STARD13: variants seen among roughly 807,000 people sequenced by gnomAD.
STARD13 encodes stAR-related lipid transfer protein 13.
In STARD13, 62 loss-of-function variants were observed where a neutral mutation model predicts 106.4. The observed-to-expected ratio is 0.58, with a 90% CI of 0.48 to 0.72. STARD13 has a LOEUF of 0.72. STARD13 is among the 30% of genes least tolerant of loss of function. The pLI is 0.00. For synonymous variants in STARD13, 565 were observed against 553.0 expected (o/e 1.02, Z -0.31); for missense variants, 1,387 against 1,424.0 (o/e 0.97, Z 0.42).
chr13:33,592,131 C>A, the STARD13 span, among the ~76,000 whole-genome samples: 1 of 152,110 alleles, frequency 6.6e-6, no homozygotes, highest in African/African-American at 2.4e-5. Context: ...AGAATTAGTT[C>A]ATGTCATTTT....
intron 1 of STARD13, among the ~76,000 whole-genome samples, chr13:33,204,425 C>T (rs1443873575): frequency 6.6e-6 from 1 of 152,194 alleles, no homozygotes; most frequent in Admixed American, 6.5e-5. Context: ...CTGTAGGAAA[C>T]AGGCTAAGCT....
upstream of STARD13, among the ~76,000 whole-genome samples, chr13:33,354,680 A>G (rs578000223): frequency 1.3e-5 from 2 of 152,294 alleles, no homozygotes; most frequent in Admixed American, 6.5e-5. Flanking sequence ...TCTGCTCCTT[A>G]GTCTAAGTGT....
chr13:33,532,404 G>GAT, the STARD13 span, among the ~76,000 whole-genome samples: 3 of 152,114 alleles, frequency 2.0e-5, no homozygotes, highest in Non-Finnish European at 4.4e-5. Flanking sequence ...AGAGTGTCTT[G>GAT]ATATTATAAT....
chr13:33,536,989 T>C, the STARD13 span, among the ~76,000 whole-genome samples: 1 of 152,252 alleles, frequency 6.6e-6, no homozygotes, highest in Non-Finnish European at 1.5e-5. Flanking sequence ...ATAAACTTTT[T>C]AATCAGATTT....
chr13:33,343,485 G>A (rs2138601002), intron 1 of STARD13, among the ~76,000 whole-genome samples: 1 of 148,194 alleles, frequency 6.7e-6, no homozygotes, highest in East Asian at 2.0e-4. Context: ...AGGCTGATGT[G>A]GGAGGACGCT....
chr13:33,320,778 T>C (rs1893530249), intron 1 of STARD13, among the ~76,000 whole-genome samples: 1 of 152,186 alleles, frequency 6.6e-6, no homozygotes, highest in South Asian at 2.1e-4. Context: ...TGAGACCAGC[T>C]TGGGCAACAC....
intron 1 of STARD13, among the ~76,000 whole-genome samples, chr13:33,226,954 T>C (rs1888657792): frequency 6.6e-6 from 1 of 152,254 alleles, no homozygotes; most frequent in African/African-American, 2.4e-5. Context: ...ATTAAACATA[T>C]GGCATATGTA....
At chr13:33,659,506 T>G in the STARD13 span, among the ~76,000 whole-genome samples, 2 of 152,264 alleles carry the variant, frequency 1.3e-5, no homozygotes, top group South Asian at 4.1e-4. Context: ...GAGCCACTGC[T>G]CCCAGCCAAC....
intron 1 of STARD13, among the ~76,000 whole-genome samples, chr13:33,199,821 T>C (rs1886888344): frequency 1.3e-5 from 2 of 152,276 alleles, no homozygotes; most frequent in South Asian, 4.1e-4. Context: ...TTGCTGGGTT[T>C]CTCCTCCTTA....
chr13:33,643,342 C>T, the STARD13 span, among the ~76,000 whole-genome samples: 3 of 152,218 alleles, frequency 2.0e-5, no homozygotes, highest in South Asian at 2.1e-4. Context: ...CTGCCCACCA[C>T]GCCTTCAAAA....
At chr13:33,609,182 A>C in the STARD13 span, among the ~76,000 whole-genome samples, 2 of 152,118 alleles carry the variant, frequency 1.3e-5, no homozygotes, top group Non-Finnish European at 2.9e-5. Flanking sequence ...TAAACAAAGT[A>C]AAAAGGAAAA....
chr13:33,254,508 G>C (rs991247821), intron 1 of STARD13, among the ~76,000 whole-genome samples: 3 of 152,146 alleles, frequency 2.0e-5, no homozygotes. Context: ...ATACCAGGGG[G>C]TGATTCCCCG....
At chr13:33,150,494 G>T (rs76358073) in intron 3 of STARD13, among the ~76,000 whole-genome samples, 2,310 of 152,300 alleles carry the variant, frequency 0.015, 67 homozygotes, top group African/African-American at 0.053. Context: ...ACTTCTTTCT[G>T]CCATGTGATT....
chr13:33,113,226 A>T, intron 8 of STARD13: 1 of 454,428 alleles, frequency 2.2e-6, no homozygotes, highest in Non-Finnish European at 4.0e-6. Context: ...TATTCTGAGC[A>T]ATCAACCCAC....
At chr13:33,301,995 C>T (rs1892739148) in intron 1 of STARD13, among the ~76,000 whole-genome samples, 1 of 152,090 alleles carries the variant, frequency 6.6e-6, no homozygotes, top group East Asian at 1.9e-4. Flanking sequence ...AAAGGCTTCT[C>T]ATGGATAATT....
At chr13:33,380,672 G>C in the STARD13 span, among the ~76,000 whole-genome samples, 3 of 152,122 alleles carry the variant, frequency 2.0e-5, no homozygotes, top group African/African-American at 7.2e-5. Context: ...AATGCTGTCA[G>C]AGAAGAAAGA....
the STARD13 span, among the ~76,000 whole-genome samples, chr13:33,364,085 C>G: frequency 6.6e-6 from 1 of 152,098 alleles, no homozygotes; most frequent in Non-Finnish European, 1.5e-5. Flanking sequence ...TTTGATCAAG[C>G]TGATTAATTT....
chr13:33,487,059 G>A, the STARD13 span, among the ~76,000 whole-genome samples: 1 of 152,286 alleles, frequency 6.6e-6, no homozygotes, highest in Admixed American at 6.5e-5. Context: ...CTGTCATATT[G>A]TTTGAGCACT....
the STARD13 span, among the ~76,000 whole-genome samples, chr13:33,364,791 A>T: frequency 1.3e-5 from 2 of 152,204 alleles, no homozygotes; most frequent in African/African-American, 4.8e-5. Context: ...CGGGAGGCTG[A>T]GGCAGGAGAA....
Sources: allele counts gnomAD v4.1 joint callset (sites outside exome capture counted in the v4.1 genomes callset), GRCh38; gene constraint gnomAD v4.1.1; transcripts MANE v1.5; gene names NCBI Gene and HGNC (gene_info 2026-07-23, HGNC 2026-07-21).